The following STAG1 variants were observed in gnomAD, a reference collection of about 807,000 sequenced individuals.
STAG1 encodes STAG1 cohesin complex component, also known as cohesin subunit SA-1.
STAG1 carries 26 observed loss-of-function variants against 170.9 expected under a neutral mutation model. The ratio of observed to expected loss-of-function variants is 0.15; its 90% CI spans 0.11 to 0.21. The LOEUF (loss-of-function observed/expected upper bound fraction) is 0.21, where lower values mean the gene tolerates loss of function less well. Ranked by LOEUF, STAG1 falls within the 10% of genes least tolerant of loss-of-function variation. The pLI is 1.00. For synonymous variants in STAG1, 514 were observed against 497.7 expected (o/e 1.03, Z -0.44); for missense variants, 964 against 1,509.5 (o/e 0.64, Z 5.99).
chr3:136,397,162 C>A (rs146307221), intron 22 of STAG1, among the ~76,000 whole-genome samples: 4 of 152,186 alleles, frequency 2.6e-5, no homozygotes, highest in African/African-American at 9.6e-5. Context: ...TTATTTGGTT[C>A]TTTATCAAAT....
chr3:136,341,175 GC>G (rs2108257214), intron 31 of STAG1, among the ~76,000 whole-genome samples: 1 of 152,342 alleles, frequency 6.6e-6, no homozygotes, highest in East Asian at 1.9e-4. Context: ...CTCCCAAAGT[GC>G]TGGGATTACA....
chr3:136,746,784 T>G (rs1934954842), intron 1 of STAG1, among the ~76,000 whole-genome samples: 2 of 151,280 alleles, frequency 1.3e-5, no homozygotes, highest in African/African-American at 4.9e-5. Context: ...TGAAACCCCG[T>G]CTCTACTAAA....
At chr3:136,710,362 C>T (rs867170674) in intron 1 of STAG1, among the ~76,000 whole-genome samples, 2 of 152,146 alleles carry the variant, frequency 1.3e-5, no homozygotes, top group Middle Eastern at 3.2e-3. Flanking sequence ...CTTCTCCATG[C>T]TATTTCATTT....
Position 136,440,603 on chromosome 3 carries a change from T to C in STAG1, c.1546+2684A>G, listed in dbSNP as rs569019109. Among the ~76,000 whole-genome samples, 32 of 152,220 alleles carry C rather than the reference T, an allele frequency of 2.1e-4. No homozygotes were observed. In the South Asian group the frequency reaches 5.6e-3, roughly 27 times the overall value. On this transcript the variant is annotated intron_variant, in intron 15 of 33. Coordinates refer to ENST00000383202, the MANE Select transcript of STAG1 (RefSeq NM_005862.3). The stretch of plus-strand genomic sequence containing the variant: ...ATGAATGGAACCTACCATTGAATAC[T>C]AACCTGAGGCCCTTTACTCAAGTGT...
intron 21 of STAG1, among the ~76,000 whole-genome samples, chr3:136,400,333 T>C (rs577326808): frequency 6.6e-6 from 1 of 151,982 alleles, no homozygotes; most frequent in East Asian, 1.9e-4. Context: ...GTTCAAACAA[T>C]TCTCCTACCT....
intron 1 of STAG1, among the ~76,000 whole-genome samples, chr3:136,718,770 C>CA (rs1259326527): frequency 1.3e-5 from 2 of 151,782 alleles, no homozygotes; most frequent in East Asian, 3.9e-4. Context: ...ACTACGAATA[C>CA]AAAAAAATTG....
At chr3:136,628,025 T>C (rs984486610) in intron 2 of STAG1, among the ~76,000 whole-genome samples, 2 of 152,210 alleles carry the variant, frequency 1.3e-5, no homozygotes, top group African/African-American at 4.8e-5. Context: ...TGGCTCTGTG[T>C]CCTCACCAAA....
intron 5 of STAG1, among the ~76,000 whole-genome samples, chr3:136,558,288 G>T (rs1354272103): frequency 6.6e-6 from 1 of 152,008 alleles, no homozygotes; most frequent in Non-Finnish European, 1.5e-5. Context: ...GCTACTAGGG[G>T]GGCTGAAACA....
At chr3:136,676,767 A>T (rs1942139335) in intron 1 of STAG1, among the ~76,000 whole-genome samples, 2 of 150,928 alleles carry the variant, frequency 1.3e-5, no homozygotes, top group African/African-American at 4.9e-5. Context: ...TTGTTCTATA[A>T]TTTTTTTTCT....
chr3:136,449,016 T>A, intron 14 of STAG1, among the ~76,000 whole-genome samples: 1 of 152,146 alleles, frequency 6.6e-6, no homozygotes, highest in East Asian at 1.9e-4. Context: ...CCAATTAAAG[T>A]GTGTGACAGT....
chr3:136,486,454 A>G (rs983136755), intron 9 of STAG1, among the ~76,000 whole-genome samples: 1 of 152,184 alleles, frequency 6.6e-6, no homozygotes, highest in Admixed American at 6.5e-5. Flanking sequence ...CCAAAACACA[A>G]CTACAAAATA....
chr3:136,615,424 C>CA (rs35713077), intron 3 of STAG1, among the ~76,000 whole-genome samples: 7,751 of 33,206 alleles, frequency 0.23, 2,185 homozygotes, highest in East Asian at 0.71. Flanking sequence ...AGACTTTGTC[C>CA]AAAAAAAAAA....
chr3:136,375,024 T>C (rs528569240), intron 23 of STAG1, among the ~76,000 whole-genome samples: 5 of 152,198 alleles, frequency 3.3e-5, no homozygotes, highest in South Asian at 2.1e-4. Flanking sequence ...TACAGGATCA[T>C]AGCCTAAGAG....
At chr3:136,692,407 G>A (rs932584894) in intron 1 of STAG1, among the ~76,000 whole-genome samples, 1 of 151,564 alleles carries the variant, frequency 6.6e-6, no homozygotes, top group African/African-American at 2.4e-5. Flanking sequence ...GGCCAAGGTG[G>A]GCAGATCACC....
intron 9 of STAG1, among the ~76,000 whole-genome samples, chr3:136,490,382 T>C (rs2090101362): frequency 6.6e-6 from 1 of 152,214 alleles, no homozygotes; most frequent in Non-Finnish European, 1.5e-5. Flanking sequence ...AAACTATTTT[T>C]CATCTCATTT....
chr3:136,463,128 T>C (rs113979987), intron 13 of STAG1, among the ~76,000 whole-genome samples: 102 of 152,362 alleles, frequency 6.7e-4, no homozygotes, highest in African/African-American at 2.4e-3. Flanking sequence ...ATTATTCTAC[T>C]AGCCAGAGCT....
intron 1 of STAG1, among the ~76,000 whole-genome samples, chr3:136,639,816 T>C (rs1940723919): frequency 6.6e-6 from 1 of 152,228 alleles, no homozygotes. Context: ...CATGGTGTTT[T>C]TAATATGGTA....
intron 5 of STAG1, among the ~76,000 whole-genome samples, chr3:136,554,843 G>C (rs1936543204): frequency 6.6e-6 from 1 of 151,954 alleles, no homozygotes; most frequent in Non-Finnish European, 1.5e-5. Context: ...GCAGTATGCT[G>C]TGATCACATG....
At chr3:136,625,587 C>T (rs1472091843) in intron 2 of STAG1, among the ~76,000 whole-genome samples, 1 of 152,190 alleles carries the variant, frequency 6.6e-6, no homozygotes, top group Non-Finnish European at 1.5e-5. Context: ...TTTATTGTCA[C>T]CATTATCCTG....
Sources: allele counts gnomAD v4.1 joint callset (sites outside exome capture counted in the v4.1 genomes callset), GRCh38; gene constraint gnomAD v4.1.1; transcripts MANE v1.5; gene names NCBI Gene and HGNC (gene_info 2026-07-23, HGNC 2026-07-21).